Variants in NRG3 observed in about 807,000 individuals in gnomAD.
NRG3 encodes the protein pro-neuregulin-3, membrane-bound isoform.
A neutral mutation model predicts 66.9 loss-of-function variants in NRG3; 31 were observed. The observed-to-expected ratio is 0.46, with a 90% CI of 0.35 to 0.63. The LOEUF is 0.63. NRG3 is among the 20% of genes least tolerant of loss of function. NRG3 has a pLI of 0.00. For missense variants in NRG3, 910 were observed against 878.9 expected (o/e 1.04, Z -0.45); for synonymous variants, 393 against 359.4 (o/e 1.09, Z -1.06).
At chr10:82,481,244 G>A (rs372146750) in intron 2 of NRG3, among the ~76,000 whole-genome samples, 46 of 152,214 alleles carry the variant, frequency 3.0e-4, no homozygotes, top group African/African-American at 1.1e-3. Flanking sequence ...TCAATCCATT[G>A]GATTTACTCT....
chr10:81,890,499 C>T (rs1419816398), intron 1 of NRG3, among the ~76,000 whole-genome samples: 2 of 152,176 alleles, frequency 1.3e-5, no homozygotes, highest in Non-Finnish European at 2.9e-5. Context: ...GACATCTTTT[C>T]AAAATTAACC....
intron 1 of NRG3, among the ~76,000 whole-genome samples, chr10:81,918,540 A>G (rs987442691): frequency 6.6e-6 from 1 of 152,168 alleles, no homozygotes; most frequent in South Asian, 2.1e-4. Flanking sequence ...TTTATAAATG[A>G]TATTTTATAT....
At chr10:82,866,728 C>T (rs772839182) in intron 4 of NRG3, among the ~76,000 whole-genome samples, 3 of 152,070 alleles carry the variant, frequency 2.0e-5, no homozygotes, top group Admixed American at 6.6e-5. Flanking sequence ...ATCATGAGAG[C>T]GCTTGAACAA....
chr10:82,963,496 C>A (rs569084372), intron 6 of NRG3, among the ~76,000 whole-genome samples: 1 of 151,680 alleles, frequency 6.6e-6, no homozygotes, highest in Non-Finnish European at 1.5e-5. Context: ...CTGGCTAACA[C>A]GGTGAAACCC....
intron 4 of NRG3, among the ~76,000 whole-genome samples, chr10:82,921,004 T>G (rs1325648791): frequency 6.6e-6 from 1 of 152,058 alleles, no homozygotes; most frequent in African/African-American, 2.4e-5. Flanking sequence ...TCTTACTCCT[T>G]AAATGTAGGC....
chr10:82,849,212 C>T (rs2063450162), intron 3 of NRG3, among the ~76,000 whole-genome samples: 1 of 152,100 alleles, frequency 6.6e-6, no homozygotes, highest in African/African-American at 2.4e-5. Context: ...GAGATTGGGG[C>T]AATGCTTCTA....
At chr10:82,572,038 C>T (rs772214278) in intron 2 of NRG3, among the ~76,000 whole-genome samples, 1 of 151,498 alleles carries the variant, frequency 6.6e-6, no homozygotes, top group South Asian at 2.1e-4. Flanking sequence ...GTATTACTGT[C>T]ATGTTTTTTA....
intron 1 of NRG3, among the ~76,000 whole-genome samples, chr10:81,912,430 C>G (rs1845258561): frequency 6.6e-6 from 1 of 152,156 alleles, no homozygotes; most frequent in Non-Finnish European, 1.5e-5. Flanking sequence ...TTATGTTTCC[C>G]AGGCTGGTCT....
rs922300313 is a variant in NRG3 at position 82,673,863 on chromosome 10, C to T, written c.954-64714C>T. On this transcript the variant is annotated intron_variant, in intron 2 of 8. Transcript: ENST00000372141. ...ATCTTTAAGTAAGTGACCATTTAAG[C>T]CAGTGTCATGAATTCAAATGCTCAG... Among the ~76,000 whole-genome samples, 36 of 152,018 alleles carry T rather than the reference C, an allele frequency of 2.4e-4. 1 individual carries two copies. The highest frequency in any genetic ancestry group is 1.0e-4 in the Non-Finnish European group (7 of 68,012).
intron 1 of NRG3, among the ~76,000 whole-genome samples, chr10:81,879,932 A>T (rs1016747627): frequency 2.0e-5 from 3 of 152,238 alleles, no homozygotes; most frequent in Admixed American, 2.0e-4. Context: ...AAAGGCATCC[A>T]ACGTAGAAGG....
At chr10:82,793,810 T>C (rs1256784730) in intron 3 of NRG3, among the ~76,000 whole-genome samples, 1 of 152,128 alleles carries the variant, frequency 6.6e-6, no homozygotes, top group African/African-American at 2.4e-5. Flanking sequence ...AGGCATCATA[T>C]CATTTTTGCT....
chr10:82,652,049 C>T (rs1354927303), intron 2 of NRG3, among the ~76,000 whole-genome samples: 1 of 152,144 alleles, frequency 6.6e-6, no homozygotes, highest in African/African-American at 2.4e-5. Flanking sequence ...GCTGCTTTGG[C>T]ACCAGCAGGG....
At chr10:82,663,601 G>A (rs957279607) in intron 2 of NRG3, among the ~76,000 whole-genome samples, 1 of 152,196 alleles carries the variant, frequency 6.6e-6, no homozygotes, top group African/African-American at 2.4e-5. Context: ...TGAAAACACA[G>A]TGTGCCCTGA....
chr10:81,895,764 C>T (rs908566770), intron 1 of NRG3, among the ~76,000 whole-genome samples: 8 of 152,070 alleles, frequency 5.3e-5, no homozygotes, highest in African/African-American at 1.9e-4. Context: ...AGTGAGCCTC[C>T]AGGAGCCCCA....
At chr10:82,006,414 C>T (rs1250740106) in intron 1 of NRG3, among the ~76,000 whole-genome samples, 1 of 151,850 alleles carries the variant, frequency 6.6e-6, no homozygotes, top group African/African-American at 2.4e-5. Flanking sequence ...TTTCTTTTTA[C>T]TTTGCTTATA....
In NRG3 at chr10:82,007,761, A is replaced by G. The variant is rs181006402; in HGVS notation, c.823+131598A>G. On this transcript the variant is annotated intron_variant, in intron 1 of 8. Coordinates refer to ENST00000372141, the MANE Select transcript of NRG3 (RefSeq NM_001010848.4). ...GAAGACTAGAAGTTTTAAAACCAGG[A>G]TAGCAACCTCATGGGCCTATTTATG... 3.8e-3 allele frequency among the ~76,000 whole-genome samples: 583 copies of G among 152,274 alleles called. 3 individuals are homozygous for G. The highest frequency in any genetic ancestry group is 0.013 in the African/African-American group (557 of 41,578).
rs1589234594 is a variant in NRG3 at position 82,181,415 on chromosome 10, C to G, written c.824-177324C>G. On this transcript the variant is annotated intron_variant, in intron 1 of 8. Transcript: ENST00000372141. ...AGTGTTCATTGCAATATACTTCTCT[C>G]TTACTACTGCTTTTGCTGCATGCCA... is the stretch of plus-strand genomic sequence containing the variant. 2.6e-5 allele frequency among the ~76,000 whole-genome samples: 4 copies of G among 151,792 alleles called. No individual in the cohort carries two copies. The South Asian group carries it at 8.3e-4, about 31-fold the overall frequency.
At chr10:82,274,141 T>TA (rs558321351) in intron 1 of NRG3, among the ~76,000 whole-genome samples, 7 of 152,096 alleles carry the variant, frequency 4.6e-5, no homozygotes, top group African/African-American at 1.7e-4. Context: ...ATTTTAAAAT[T>TA]AAAAAAATCA....
At chr10:82,468,507 C>T (rs1840913059) in intron 2 of NRG3, among the ~76,000 whole-genome samples, 1 of 152,170 alleles carries the variant, frequency 6.6e-6, no homozygotes, top group Admixed American at 6.5e-5. Context: ...GTCCTCACCA[C>T]CATCTCCCTG....
Sources: gnomAD v4.1 joint callset for allele counts (sites outside exome capture counted in the v4.1 genomes callset) on GRCh38, gnomAD v4.1.1 for gene constraint, MANE v1.5 for transcripts, NCBI Gene and HGNC (gene_info 2026-07-23, HGNC 2026-07-21) for gene names.